Variants in EIF3B observed in about 807,000 individuals in gnomAD.
EIF3B encodes eukaryotic translation initiation factor 3 subunit B.
A neutral mutation model predicts 104.6 loss-of-function variants in EIF3B; 10 were observed. The ratio of observed to expected loss-of-function variants is 0.10; its 90% CI spans 0.06 to 0.16. The LOEUF (loss-of-function observed/expected upper bound fraction) is 0.16, where lower values mean the gene tolerates loss of function less well. Among genes scored for constraint, EIF3B ranks in the 10% least tolerant of loss-of-function variants. The probability of loss-of-function intolerance (pLI) is 1.00; values close to 1 mark genes in which losing one functional copy is unlikely to be tolerated. For missense variants in EIF3B, 1,014 were observed against 1,087.9 expected (o/e 0.93, Z 0.96); for synonymous variants, 542 against 417.2 (o/e 1.30, Z -3.65).
At chr7:2,367,102 CAAAAA>C (rs60382761) in intron 9 of EIF3B, 57 bp downstream of exon 9, 170 of 833,312 alleles carry the variant, frequency 2.0e-4, no homozygotes, top group South Asian at 4.5e-4. Flanking sequence ...AACACAATAC[CAAAAA>C]AAAAAAAAAA....
intron 10 of EIF3B, among the ~76,000 whole-genome samples, chr7:2,370,242 C>T (rs147408806): frequency 0.033 from 5,040 of 150,636 alleles, 257 homozygotes; most frequent in African/African-American, 0.11. Flanking sequence ...TTTGGGAGGC[C>T]GAGGTGGGCG....
rs1315791605 is a variant in EIF3B at position 2,360,791 on chromosome 7, A to G, written c.581A>G (p.Gln194Arg). 2 of 1,613,536 alleles carry G rather than the reference A, an allele frequency of 1.2e-6. No individual in the cohort carries two copies. The highest frequency in any genetic ancestry group is 1.7e-5 in the Admixed American group (1 of 60,016). ...GTGATTGTAGTGGACAATGTCCCTC[A>G]GGTGGGACCCGACCGACTTGAGAAA... ...DSVIVVDNVPQVGPDRLEKLK... is the reference protein window; with the variant it reads ...DSVIVVDNVPRVGPDRLEKLK... The change falls in exon 2 of 19, where the codon CAG becomes CGG. Residue 194 changes from glutamine to arginine, a missense_variant. Physicochemically the swap from Gln to Arg is conservative, Grantham distance 43 (BLOSUM62 1). Transcript: ENST00000360876.
chr7:2,376,773 A>G (rs1056952184), intron 14 of EIF3B, 177 bp from the exon 15 acceptor site: 1 of 842,226 alleles, frequency 1.2e-6, no homozygotes, highest in Non-Finnish European at 1.8e-6. Context: ...GGTCGGTTGC[A>G]TAATGGAGGT....
At chr7:2,378,610 CATGTT>C (rs1300693409) in intron 15 of EIF3B, 74 bp from the exon 16 acceptor site, 5 of 1,307,226 alleles carry the variant, frequency 3.8e-6, no homozygotes, top group Non-Finnish European at 5.5e-6. Flanking sequence ...GGTGTCATGT[CATGTT>C]GGCAACTCTG....
intron 15 of EIF3B, 72 bp from the exon 16 acceptor site, chr7:2,378,617 G>A: frequency 7.2e-7 from 1 of 1,386,026 alleles, no homozygotes; most frequent in Non-Finnish European, 1.0e-6. Flanking sequence ...TGTCATGTTG[G>A]CAACTCTGAA....
intron 16 of EIF3B, 129 bp downstream of exon 16, chr7:2,378,895 C>G (rs1028858437): frequency 3.4e-5 from 30 of 893,248 alleles, no homozygotes; most frequent in East Asian, 3.2e-4. Context: ...TCTGTTCCCC[C>G]CCAGGAGGGA....
intron 12 of EIF3B, chr7:2,373,260 GT>G (rs1162539977): frequency 8.5e-5 from 13 of 153,772 alleles, no homozygotes; most frequent in African/African-American, 2.9e-4. Context: ...GCTCCTCACA[GT>G]GGTGCGTGGG....
chr7:2,364,908 A>G (rs916240118), intron 6 of EIF3B, among the ~76,000 whole-genome samples: 1 of 152,228 alleles, frequency 6.6e-6, no homozygotes, highest in African/African-American at 2.4e-5. Context: ...AATGTTCTGT[A>G]TAATACTTAC....
At chr7:2,367,789 T>C (rs1449953503) in intron 9 of EIF3B, among the ~76,000 whole-genome samples, 3 of 148,532 alleles carry the variant, frequency 2.0e-5, no homozygotes, top group Non-Finnish European at 4.5e-5. Flanking sequence ...TCTTAACCAG[T>C]TGGAGAGAAA....
chr7:2,362,832 T>A, intron 3 of EIF3B, 68 bp downstream of exon 3: 1 of 1,603,036 alleles, frequency 6.2e-7, no homozygotes, highest in Non-Finnish European at 8.5e-7. Context: ...TGCGGGTGGC[T>A]TGGTGCTTCT....
rs372231511 is a variant in EIF3B at position 2,356,853 on chromosome 7, CT to C, written c.499+1443del. The stretch of plus-strand genomic sequence containing the variant: ...TTACTGTGACCATTACTATATTACA[CT>C]TTTTTTTTTCATAAAAGACATTTTA... On this transcript the variant is annotated intron_variant, in intron 1 of 18. Transcript: ENST00000360876. 3.6e-4 allele frequency among the ~76,000 whole-genome samples: 54 copies of C among 149,536 alleles called. 2 individuals carry two copies. Among genetic ancestry groups the C allele is most frequent in the South Asian group, 1.3e-3 (6 of 4,742 alleles).
Position 2,366,581 on chromosome 7 carries a change from A to T in EIF3B, c.1346A>T (p.Tyr449Phe). 1 of 1,614,208 alleles carries T rather than the reference A, an allele frequency of 6.2e-7. No homozygotes were observed. The highest frequency in any genetic ancestry group is 8.5e-7 in the Non-Finnish European group (1 of 1,180,038). ...ARMTLDTLSI[Y>F]ETPSMGLLDK... ...ATGACCCTGGATACGCTTAGCATCT[A>T]TGAAACTCCTGTAAGTGGCCTCAGT... The change falls in exon 8 of 19, where the codon TAT becomes TTT. Residue 449 changes from tyrosine (Y) to phenylalanine (F), a missense_variant. Coordinates refer to ENST00000360876, the MANE Select transcript of EIF3B (RefSeq NM_001037283.2).
Position 2,355,277 on chromosome 7 carries a change from G to T in EIF3B, c.356G>T (p.Ser119Ile). Reference sequence around the variant, plus strand: ...CAGGCTCGGGACGAGCGCTCCGACAGCCGGGCCCAGGCGGTGTCCGAGGAC... The same window carrying T: ...CAGGCTCGGGACGAGCGCTCCGACATCCGGGCCCAGGCGGTGTCCGAGGAC... The part of the protein sequence containing the change: ...GEQARDERSD[S>I]RAQAVSEDAG... Residue 119 changes from serine to isoleucine, a missense_variant, in exon 1 of 19, where the codon AGC (serine) becomes ATC (isoleucine). Ser to Ile is a moderately radical substitution (Grantham distance 142, BLOSUM62 -2). This residue lies in a region of EIF3B where 488 missense variants were observed against 404.3 expected (regional missense o/e 1.21). Transcript: ENST00000360876. 1 of 1,534,156 alleles carries T rather than the reference G, an allele frequency of 6.5e-7. No homozygotes were observed. Among genetic ancestry groups the T allele is most frequent in the South Asian group, 1.2e-5 (1 of 83,718 alleles).
At chr7:2,371,120 TAGC>T (rs1583171819) in intron 10 of EIF3B, among the ~76,000 whole-genome samples, 2 of 152,230 alleles carry the variant, frequency 1.3e-5, no homozygotes, top group East Asian at 3.8e-4. Context: ...ACATACCTGT[TAGC>T]AGCCTCTCCG....
intron 9 of EIF3B, among the ~76,000 whole-genome samples, chr7:2,368,218 C>CT (rs559878315): frequency 1.1e-3 from 165 of 152,284 alleles, no homozygotes; most frequent in African/African-American, 3.7e-3. Context: ...TCTCGGCTGA[C>CT]TGCAGCCTTC....
chr7:2,365,667 G>GTTTTTTTTTTT (rs138137672), intron 6 of EIF3B, among the ~76,000 whole-genome samples: 1 of 107,852 alleles, frequency 9.3e-6, no homozygotes, highest in African/African-American at 3.1e-5. Flanking sequence ...TTGTTTGTTT[G>GTTTTTTTTTTT]TTTGTTTGTT....
chr7:2,377,211 G>C, intron 15 of EIF3B, 136 bp downstream of exon 15: 1 of 1,218,302 alleles, frequency 8.2e-7, no homozygotes. Flanking sequence ...TCTTTGAAGA[G>C]ACGCAGGAAC....
At chr7:2,379,032 C>G in intron 16 of EIF3B, 102 bp from the exon 17 acceptor site, 2 of 972,620 alleles carry the variant, frequency 2.1e-6, no homozygotes, top group Non-Finnish European at 3.1e-6. Context: ...TTGAGTGCCT[C>G]TGTATGCTGT....
chr7:2,376,892 G>A, intron 14 of EIF3B, 58 bp from the exon 15 acceptor site: 1 of 1,575,266 alleles, frequency 6.3e-7, no homozygotes, highest in East Asian at 2.3e-5. Context: ...AAGTGACATA[G>A]TCACGGTTGT....
Sources: allele counts gnomAD v4.1 joint callset (sites outside exome capture counted in the v4.1 genomes callset), GRCh38; gene constraint gnomAD v4.1.1; regional missense constraint gnomAD v4.1.1; transcripts MANE v1.5; gene names NCBI Gene and HGNC (gene_info 2026-07-23, HGNC 2026-07-21).